ARL10: variants seen among roughly 807,000 people sequenced by gnomAD.
ARL10 encodes the protein ADP-ribosylation factor-like protein 10.
A neutral mutation model predicts 26.1 loss-of-function variants in ARL10; 23 were observed. The ratio of observed to expected loss-of-function variants is 0.88; its 90% confidence interval spans 0.63 to 1.25. The LOEUF is 1.25. ARL10 is among the 50% of genes most tolerant of loss of function. The pLI, the probability that ARL10 is intolerant of heterozygous loss-of-function variation, is 0.00. For missense variants in ARL10, 300 were observed against 323.6 expected, an observed-to-expected ratio of 0.93 and a Z score of 0.56; for synonymous variants, 138 against 149.1, an observed-to-expected ratio of 0.93 and a Z score of 0.54.
In ARL10 at chr5:176,365,578, G is replaced by A. The variant is rs773652521; in HGVS notation, c.15G>A (p.Pro5=). The A allele has an allele frequency of 8.1e-7, 1 of 1,237,250 alleles. No homozygotes were observed. The highest frequency in any genetic ancestry group is 1.0e-6 in the Non-Finnish European group (1 of 990,704). The allele number at this position is 1,237,250 out of a possible 1,614,324, so 76.6% of individuals were successfully genotyped here. The change falls in exon 1 of 4, where the codon CCG becomes CCA. Residue 5 remains proline (P), a synonymous_variant. Coordinates refer to ENST00000310389, the MANE Select transcript of ARL10 (RefSeq NM_173664.6). MAPR[P]LGPLVLALGG... is the part of the protein sequence containing the mutation. ...CGCCCGGCCCGATGGCGCCGCGGCC[G>A]CTGGGCCCCTTGGTGCTGGCGCTGG...
chr5:176,392,501 T>A, downstream of ARL10: 1 of 426,632 alleles, frequency 2.3e-6, no homozygotes, highest in Non-Finnish European at 4.2e-6. This position sits in a 1 kb window ranked among gnomAD's most constrained non-coding sequence, Gnocchi z 5.2. Flanking sequence ...GTAAAAAGAG[T>A]CAACAACACA....
At chr5:176,398,634 C>T (rs1756667641) in intron 1 of ARL10, among the ~76,000 whole-genome samples, 1 of 151,826 alleles carries the variant, frequency 6.6e-6, no homozygotes, top group Admixed American at 6.6e-5. Flanking sequence ...ATCACTTGAA[C>T]CCGGGAGGCA....
chr5:176,385,271 G>A (rs1755747652), downstream of ARL10: 3 of 1,613,478 alleles, frequency 1.9e-6, no homozygotes, highest in Non-Finnish European at 2.5e-6. Flanking sequence ...TAGTCAATGA[G>A]GTCCCGAGAC....
chr5:176,366,086 C>G (rs1366896731), intron 1 of ARL10, among the ~76,000 whole-genome samples: 1 of 152,144 alleles, frequency 6.6e-6, no homozygotes, highest in East Asian at 1.9e-4. Flanking sequence ...CCGGCGCCTG[C>G]GCAGTGCACC....
the ARL10 span, among the ~76,000 whole-genome samples, chr5:176,412,065 A>C: frequency 6.6e-6 from 1 of 150,812 alleles, no homozygotes; most frequent in Admixed American, 6.6e-5. Flanking sequence ...AGTCCCAGCC[A>C]CTCGGGAGGC....
chr5:176,397,663 C>T, intron 1 of ARL10: 1 of 1,613,574 alleles, frequency 6.2e-7, no homozygotes. Flanking sequence ...TCCACTCCTC[C>T]AGGTCCTTCT....
chr5:176,385,163 A>G (rs541645833), downstream of ARL10: 3 of 940,906 alleles, frequency 3.2e-6, no homozygotes, highest in South Asian at 3.9e-5. Flanking sequence ...CAAGCAGATC[A>G]AGCCGCGAAT....
At chr5:176,384,248 T>G (rs570834002), downstream of ARL10, 15 of 1,614,170 alleles carry the variant, frequency 9.3e-6, no homozygotes, top group African/African-American at 1.6e-4. Context: ...ACCTCCATCT[T>G]CCTCTTCTGC....
chr5:176,392,056 A>G (rs1362178390), downstream of ARL10, among the ~76,000 whole-genome samples: 1 of 152,206 alleles, frequency 6.6e-6, no homozygotes, highest in Non-Finnish European at 1.5e-5. This position sits in a 1 kb window ranked among gnomAD's most constrained non-coding sequence, Gnocchi z 5.2. Context: ...GAAGCGAAAT[A>G]CACAGGGCAG....
chr5:176,414,816 A>C, the ARL10 span, among the ~76,000 whole-genome samples: 4 of 152,192 alleles, frequency 2.6e-5, no homozygotes, highest in African/African-American at 9.7e-5. Context: ...TCTCATATCA[A>C]GGAGATACAG....
chr5:176,399,059 A>G (rs1238678578), intron 1 of ARL10, among the ~76,000 whole-genome samples: 1 of 151,948 alleles, frequency 6.6e-6, no homozygotes, highest in African/African-American at 2.4e-5. Flanking sequence ...GGTCAGGCTG[A>G]TCTCGAACTC....
downstream of ARL10, chr5:176,389,001 A>C (rs1407325199): frequency 1.2e-6 from 2 of 1,612,436 alleles, no homozygotes; most frequent in Non-Finnish European, 1.7e-6. Context: ...GAACTGCACA[A>C]GGAGAGGACA....
the ARL10 span, among the ~76,000 whole-genome samples, chr5:176,414,142 A>T: frequency 7.9e-5 from 12 of 151,518 alleles, no homozygotes; most frequent in Non-Finnish European, 1.8e-4. Context: ...CCTCAGCAGG[A>T]CCTCCCCACA....
At chr5:176,389,352 C>T (rs766498061), downstream of ARL10, 16 of 1,613,722 alleles carry the variant, frequency 9.9e-6, no homozygotes, top group Non-Finnish European at 1.3e-5. Context: ...ACGGCGGCCG[C>T]CCTCACCTAC....
downstream of ARL10, chr5:176,389,071 A>T: frequency 2.7e-6 from 4 of 1,470,172 alleles, no homozygotes; most frequent in Non-Finnish European, 3.7e-6. Context: ...GCGGAAGGAG[A>T]GCGGACTAGA....
At chr5:176,402,595 T>C (rs1294317928), downstream of ARL10, among the ~76,000 whole-genome samples, 2 of 152,202 alleles carry the variant, frequency 1.3e-5, no homozygotes, top group African/African-American at 4.8e-5. Flanking sequence ...CTCCCTGCCA[T>C]GAGGGCAGAG....
chr5:176,369,012 A>G (rs1302346788), intron 3 of ARL10, 30 bp downstream of exon 3: 3 of 1,611,370 alleles, frequency 1.9e-6, no homozygotes, highest in Admixed American at 3.3e-5. Context: ...AGCTCGGTCC[A>G]GGTGACATCC....
chr5:176,366,141 C>G (rs1768291030), intron 1 of ARL10, among the ~76,000 whole-genome samples: 1 of 152,220 alleles, frequency 6.6e-6, no homozygotes, highest in Non-Finnish European at 1.5e-5. Flanking sequence ...TCCCCTCCCG[C>G]CTGCGGTCGG....
downstream of ARL10, among the ~76,000 whole-genome samples, chr5:176,404,487 G>C (rs568131299): frequency 5.3e-5 from 8 of 152,338 alleles, no homozygotes; most frequent in South Asian, 1.7e-3. Context: ...CTAGCCCACA[G>C]CCAGCCAGCT....
Sources: gnomAD v4.1 joint callset for allele counts (sites outside exome capture counted in the v4.1 genomes callset) on GRCh38, gnomAD v4.1.1 for gene constraint, Gnocchi (gnomAD v3.1) non-coding constraint, MANE v1.5 for transcripts, NCBI Gene and HGNC (gene_info 2026-07-23, HGNC 2026-07-21) for gene names.